The following SYNPR variants were observed in gnomAD, a reference collection of about 807,000 sequenced individuals.
The protein encoded by SYNPR is synaptoporin.
SYNPR carries 23 observed loss-of-function variants against 32.9 expected under a neutral mutation model. The observed-to-expected ratio is 0.70, with a 90% CI of 0.50 to 0.99. The LOEUF is 0.99. Ranked by LOEUF, SYNPR falls within the 50% of genes least tolerant of loss-of-function variation. The probability of loss-of-function intolerance (pLI) is 0.00; values close to 1 mark genes in which losing one functional copy is unlikely to be tolerated. For synonymous variants in SYNPR, 146 were observed against 135.9 expected (o/e 1.07, Z -0.52); for missense variants, 318 against 349.3 (o/e 0.91, Z 0.71).
intron 2 of SYNPR, among the ~76,000 whole-genome samples, chr3:63,266,736 A>C (rs542962461): frequency 3.9e-4 from 58 of 150,174 alleles, no homozygotes; most frequent in African/African-American, 1.4e-3. Context: ...AACCACAAAA[A>C]TAAAGTCGTG....
At chr3:63,353,309 A>C (rs1444646711) in intron 2 of SYNPR, among the ~76,000 whole-genome samples, 4 of 152,204 alleles carry the variant, frequency 2.6e-5, no homozygotes, top group Non-Finnish European at 4.4e-5. Flanking sequence ...CACAGTAATT[A>C]CAATGTCTTT....
intron 1 of SYNPR, chr3:63,252,494 T>C (rs2086341108): frequency 6.6e-6 from 1 of 152,194 alleles, no homozygotes; most frequent in Admixed American, 6.6e-5. Context: ...GTTTTCTTTT[T>C]TCAGTTACAA....
intron 2 of SYNPR, among the ~76,000 whole-genome samples, chr3:63,414,698 TGGA>T (rs1466222776): frequency 3.3e-5 from 5 of 152,212 alleles, no homozygotes; most frequent in Non-Finnish European, 5.9e-5. Context: ...AAAATTTATT[TGGA>T]GGAGGAGAAT....
At chr3:63,273,170 G>A (rs1289863498) in intron 3 of SYNPR, among the ~76,000 whole-genome samples, 1 of 152,098 alleles carries the variant, frequency 6.6e-6, no homozygotes, top group Non-Finnish European at 1.5e-5. Flanking sequence ...GAGAAATTTT[G>A]TTTATGTTTC....
intron 2 of SYNPR, 66 bp from the exon 3 acceptor site, chr3:63,480,766 G>A: frequency 6.4e-7 from 1 of 1,569,940 alleles, no homozygotes; most frequent in East Asian, 2.3e-5. Flanking sequence ...AGCTCCTTTT[G>A]ATATATCTCA....
chr3:63,355,196 T>C (rs552761491), intron 2 of SYNPR, among the ~76,000 whole-genome samples: 1 of 151,936 alleles, frequency 6.6e-6, no homozygotes, highest in African/African-American at 2.4e-5. Context: ...AGAGAATGGC[T>C]TCAGCCTTGG....
chr3:63,408,312 G>A (rs1341564701), intron 2 of SYNPR, among the ~76,000 whole-genome samples: 8 of 109,698 alleles, frequency 7.3e-5, no homozygotes, highest in African/African-American at 2.9e-4. Context: ...AGGAAGGAAG[G>A]AAGGAAGGAA....
rs146948608 is a variant in SYNPR at position 63,365,388 on chromosome 3, G to A, written c.84+86646G>A. Among the ~76,000 whole-genome samples the A allele has an allele frequency of 2.9e-3, 440 of 152,264 alleles. 2 individuals carry two copies. The highest frequency in any genetic ancestry group is 9.9e-3 in the African/African-American group (413 of 41,550). ...GTGGGTTGTGGTGGGGGAGAGTAGC[G>A]ACAGTTCAGCACTCCCACTCCAAAG... is the stretch of plus-strand genomic sequence containing the variant. On this transcript the variant is annotated intron_variant, in intron 2 of 5. Coordinates refer to ENST00000478300, the MANE Select transcript of SYNPR (RefSeq NM_001130003.2).
chr3:63,595,951 TTA>T (rs1303748170), intron 4 of SYNPR, among the ~76,000 whole-genome samples: 4 of 116,868 alleles, frequency 3.4e-5, no homozygotes, highest in South Asian at 2.8e-4. Context: ...ATATATAGTT[TTA>T]TATATATAGT....
intron 2 of SYNPR, among the ~76,000 whole-genome samples, chr3:63,412,530 T>C (rs2088480005): frequency 6.6e-6 from 1 of 152,106 alleles, no homozygotes; most frequent in Non-Finnish European, 1.5e-5. Context: ...TAAAAGTCAA[T>C]AGACAAACTG....
intron 3 of SYNPR, among the ~76,000 whole-genome samples, chr3:63,547,826 C>T (rs1160215084): frequency 6.6e-6 from 1 of 152,178 alleles, no homozygotes; most frequent in Non-Finnish European, 1.5e-5. Flanking sequence ...AGTCTCCTTG[C>T]TCCTAAAATT....
At chr3:63,374,408 GGAC>G (rs1225167689) in intron 2 of SYNPR, among the ~76,000 whole-genome samples, 1 of 152,094 alleles carries the variant, frequency 6.6e-6, no homozygotes, top group Admixed American at 6.6e-5. Context: ...GACACAAAGA[GGAC>G]AACAGACACC....
At chr3:63,322,895 G>C (rs992772542) in intron 2 of SYNPR, among the ~76,000 whole-genome samples, 2 of 152,202 alleles carry the variant, frequency 1.3e-5, no homozygotes, top group Non-Finnish European at 1.5e-5. Flanking sequence ...CAGCCTCTAA[G>C]GGCTCTCTGT....
chr3:63,305,740 G>A (rs62253862), intron 2 of SYNPR, among the ~76,000 whole-genome samples: 18,867 of 151,858 alleles, frequency 0.12, 1,287 homozygotes, highest in Non-Finnish European at 0.16. Context: ...CAGAAACTCC[G>A]CCCCTGTCAA....
chr3:63,222,421 G>T, the SYNPR span, among the ~76,000 whole-genome samples: 1 of 152,028 alleles, frequency 6.6e-6, no homozygotes, highest in Non-Finnish European at 1.5e-5. Flanking sequence ...CTACTTCCTT[G>T]ATTTCTCACT....
intron 2 of SYNPR, among the ~76,000 whole-genome samples, chr3:63,340,342 T>C (rs1020394075): frequency 2.0e-5 from 3 of 151,274 alleles, no homozygotes. Flanking sequence ...GTTTTAAACA[T>C]AAAGCAAGGT....
At chr3:63,494,988 T>C (rs1235592432) in intron 3 of SYNPR, among the ~76,000 whole-genome samples, 1 of 152,172 alleles carries the variant, frequency 6.6e-6, no homozygotes, top group African/African-American at 2.4e-5. Flanking sequence ...ATTGTTTTCC[T>C]TGGGACTCAG....
intron 2 of SYNPR, among the ~76,000 whole-genome samples, chr3:63,371,090 A>G (rs911625902): frequency 3.3e-5 from 5 of 152,120 alleles, no homozygotes; most frequent in Non-Finnish European, 5.9e-5. Flanking sequence ...GGAATGAGAC[A>G]AGACAACCAC....
chr3:63,432,070 A>T (rs1193583139), intron 2 of SYNPR, among the ~76,000 whole-genome samples: 1 of 152,154 alleles, frequency 6.6e-6, no homozygotes, highest in Non-Finnish European at 1.5e-5. Context: ...AAGGAGTTGG[A>T]GGATAAATTC....
Sources: allele counts gnomAD v4.1 joint callset (sites outside exome capture counted in the v4.1 genomes callset), GRCh38; gene constraint gnomAD v4.1.1; transcripts MANE v1.5; gene names NCBI Gene and HGNC (gene_info 2026-07-23, HGNC 2026-07-21).